The following MAP3K4 variants were observed in gnomAD, a reference collection of about 807,000 sequenced individuals.
MAP3K4 encodes the protein MAP three kinase 1.
MAP3K4 carries 67 observed loss-of-function variants against 185.6 expected under a neutral mutation model. The observed-to-expected ratio is 0.36, with a 90% CI of 0.30 to 0.44. MAP3K4 has a LOEUF of 0.44. Among genes scored for constraint, MAP3K4 ranks in the 20% least tolerant of loss-of-function variants. The pLI is 1.00. For missense variants in MAP3K4, 1,551 were observed against 1,995.1 expected (o/e 0.78, Z 4.24); for synonymous variants, 702 against 710.4 (o/e 0.99, Z 0.19).
chr6:161,066,437 A>C (rs544589752), intron 3 of MAP3K4, among the ~76,000 whole-genome samples: 152 of 151,734 alleles, frequency 1.0e-3, no homozygotes, highest in African/African-American at 3.5e-3. Context: ...GAGTTATAGT[A>C]ATAATTTCTG....
chr6:161,105,840 T>G lies in MAP3K4; in HGVS notation c.3857-674T>G, dbSNP rs1329187870. Among the ~76,000 whole-genome samples, 72 of 5,824 alleles carry G rather than the reference T, an allele frequency of 0.012. No individual in the cohort carries two copies. In the East Asian group the frequency reaches 0.47, roughly 38 times the overall value. The allele number at this position is 5,824 out of a possible 152,430, so 3.8% of individuals were successfully genotyped here. On this transcript the variant is annotated intron_variant, in intron 19 of 26. Coordinates refer to ENST00000392142, the MANE Select transcript of MAP3K4 (RefSeq NM_005922.4). ...TGAACTAAGTTTTTTGGTTTTTTGT[T>G]TTTTTTTTTTTTTGAGACCTGGTCT...
At position 161,053,920 on chromosome 6, in the gene MAP3K4, TATCTG is replaced by T. The variant is rs1181977531; in HGVS notation, c.1707+3943_1707+3947del. Reference sequence around the variant, plus strand: ...GTGTTTTTGTTCTTAATTGTTAAAATATCTGAACTGACAAGGTACCACAGATTGTA... The same window carrying T: ...GTGTTTTTGTTCTTAATTGTTAAAATAACTGACAAGGTACCACAGATTGTA... On this transcript the variant is annotated intron_variant, in intron 3 of 26. Coordinates refer to ENST00000392142, the MANE Select transcript of MAP3K4 (RefSeq NM_005922.4). The surrounding 1 kb of genome is among the most constrained non-coding windows in gnomAD (Gnocchi z 4.2). Among the ~76,000 whole-genome samples the T allele has an allele frequency of 1.3e-5, 2 of 152,068 alleles. No individual in the cohort carries two copies. Among genetic ancestry groups the T allele is most frequent in the African/African-American group, 4.8e-5 (2 of 41,416 alleles).
chr6:161,084,581 C>T lies in MAP3K4; in HGVS notation c.2336C>T (p.Thr779Ile). 6.2e-7 allele frequency: 1 copy of T among 1,612,190 alleles called. No individual in the cohort carries two copies. Among genetic ancestry groups the T allele is most frequent in the East Asian group, 2.2e-5 (1 of 44,866 alleles). Residue 779 changes from threonine to isoleucine, a missense_variant, in exon 7 of 27, where the codon ACT becomes ATT. By Grantham distance (89) the Thr-to-Ile change is moderately conservative. Around this residue, in one of 16 missense-constraint regions of MAP3K4, gnomAD observed 130 missense variants for 171.3 expected, o/e 0.76. Transcript: ENST00000392142. This position sits in a 1 kb window ranked among gnomAD's most constrained non-coding sequence, Gnocchi z 4.6. Reference sequence around the variant, plus strand: ...CAGGAGAGCTGTGCTGAATTTTGGACTAGTGCGGATGACAGCAGTGCTTCC... The same window carrying T: ...CAGGAGAGCTGTGCTGAATTTTGGATTAGTGCGGATGACAGCAGTGCTTCC... ...GLQESCAEFW[T>I]SADDSSASDE...
At position 161,075,672 on chromosome 6, in the gene MAP3K4, T is replaced by G. The variant is rs1785141174; in HGVS notation, c.2097+2060T>G. Among the ~76,000 whole-genome samples the G allele has an allele frequency of 6.6e-6, 1 of 152,218 alleles. No individual in the cohort carries two copies. Among genetic ancestry groups the G allele is most frequent in the Non-Finnish European group, 1.5e-5 (1 of 68,044 alleles). Reference sequence around the variant, plus strand: ...ATCAGGCATGTGAACCACGCCTTCCTGGTCAGCCAGTTTCTGTGCCATTGG... The same window carrying G: ...ATCAGGCATGTGAACCACGCCTTCCGGGTCAGCCAGTTTCTGTGCCATTGG... On this transcript the variant is annotated intron_variant, in intron 5 of 26. Transcript: ENST00000392142. The surrounding 1 kb of genome is among the most constrained non-coding windows in gnomAD (Gnocchi z 4.3).
In MAP3K4 at chr6:161,049,744, C is replaced by A; in HGVS notation, c.1472C>A (p.Ser491Tyr). The A allele has an allele frequency of 2.5e-6, 4 of 1,614,068 alleles. No individual in the cohort carries two copies. The highest frequency in any genetic ancestry group is 3.4e-6 in the Non-Finnish European group (4 of 1,180,004). ...GACATCCAGTCGCGGGACTGCATAT[C>A]CAAGAAGCTTGAGAGGCTCGAATCT... ...SFDIQSRDCI[S>Y]KKLERLESED... The change falls in exon 3 of 27, where the codon TCC becomes TAC. Residue 491 changes from serine (S) to tyrosine (Y), a missense_variant. Physicochemically the swap from Ser to Tyr is moderately radical, Grantham distance 144. Transcript: ENST00000392142. This position sits in a 1 kb window ranked among gnomAD's most constrained non-coding sequence, Gnocchi z 8.4.
intron 1 of MAP3K4, among the ~76,000 whole-genome samples, chr6:161,013,570 GGT>G (rs145110927): frequency 0.021 from 3,252 of 152,202 alleles, 125 homozygotes; most frequent in African/African-American, 0.075. Flanking sequence ...CCAAAAGTGA[GGT>G]TTAGCCCATG....
Position 161,048,282 on chromosome 6 carries a change from T to C in MAP3K4, c.344-334T>C. On this transcript the variant is annotated intron_variant, in intron 2 of 26. Transcript: ENST00000392142. The surrounding 1 kb of genome is among the most constrained non-coding windows in gnomAD (Gnocchi z 4.7). ...ATCTCCCATGCTGTTTCTTCCTCCT[T>C]AAATTGAAGGTGATTACTTACGGAA... 1.8e-6 allele frequency: 1 copy of C among 554,678 alleles called. No homozygotes were observed. Among genetic ancestry groups the C allele is most frequent in the Admixed American group, 1.9e-5 (1 of 52,064 alleles). 34.4% of individuals were successfully genotyped at this position (554,678 alleles called of 1,614,324 possible). A position where few individuals can be genotyped will look rare whatever the true frequency, so the allele number is the denominator to read the frequency against.
At position 161,107,782 on chromosome 6, in the gene MAP3K4, A is replaced by T. The variant is rs1264020674; in HGVS notation, c.4049-117A>T. 2 of 712,990 alleles carry T rather than the reference A, an allele frequency of 2.8e-6. No individual in the cohort carries two copies. The highest frequency in any genetic ancestry group is 4.6e-6 in the Non-Finnish European group (2 of 435,170). 44.2% of individuals were successfully genotyped at this position (712,990 alleles called of 1,614,324 possible). ...TGCAATAGTAAACTGCAGTAAACATAATTATAGATATATAAATATACGTCC... is the reference window on the plus strand; with the variant it reads ...TGCAATAGTAAACTGCAGTAAACATTATTATAGATATATAAATATACGTCC... On this transcript the variant is annotated intron_variant, in intron 20 of 26. Coordinates refer to ENST00000392142, the MANE Select transcript of MAP3K4 (RefSeq NM_005922.4). The surrounding 1 kb of genome is among the most constrained non-coding windows in gnomAD (Gnocchi z 6.2).
At chr6:160,997,172 G>A (rs1415327402) in intron 1 of MAP3K4, among the ~76,000 whole-genome samples, 3 of 151,936 alleles carry the variant, frequency 2.0e-5, no homozygotes, top group Admixed American at 1.3e-4. Flanking sequence ...TCAGTGGTAC[G>A]GTACATTTTT....
intron 2 of MAP3K4, among the ~76,000 whole-genome samples, chr6:161,038,230 A>G (rs1455071701): frequency 6.6e-6 from 1 of 152,202 alleles, no homozygotes; most frequent in Non-Finnish European, 1.5e-5. Flanking sequence ...ACAAATGACC[A>G]ACAGTACAGG....
At chr6:161,055,300 G>A (rs1784181109) in intron 3 of MAP3K4, among the ~76,000 whole-genome samples, 1 of 152,166 alleles carries the variant, frequency 6.6e-6, no homozygotes, top group African/African-American at 2.4e-5. Flanking sequence ...ACTATTTACA[G>A]TTCAATTTAG....
At chr6:161,062,993 G>A (rs760879340) in intron 3 of MAP3K4, among the ~76,000 whole-genome samples, 1 of 151,812 alleles carries the variant, frequency 6.6e-6, no homozygotes, top group Non-Finnish European at 1.5e-5. Context: ...GATCTACTTT[G>A]CCTGTCTTCT....
At chr6:161,009,417 C>T (rs540436413) in intron 1 of MAP3K4, among the ~76,000 whole-genome samples, 3 of 152,318 alleles carry the variant, frequency 2.0e-5, no homozygotes, top group African/African-American at 7.2e-5. Context: ...AACTCCCCAT[C>T]TACCCCGGTA....
rs975294289 is a variant in MAP3K4, at chr6:161,056,252, A to G, written c.1707+6273A>G. Among the ~76,000 whole-genome samples the G allele has an allele frequency of 6.6e-6, 1 of 152,116 alleles. No homozygotes were observed. Among genetic ancestry groups the G allele is most frequent in the African/African-American group, 2.4e-5 (1 of 41,410 alleles). ...CTTGTATTTTCCCTCGTTCTGTCCTAGGATCAGCCATTTCTCCAAGGAGCT... is the reference window on the plus strand; with the variant it reads ...CTTGTATTTTCCCTCGTTCTGTCCTGGGATCAGCCATTTCTCCAAGGAGCT... On this transcript the variant is annotated intron_variant, in intron 3 of 26. Transcript: ENST00000392142. The surrounding 1 kb of genome is among the most constrained non-coding windows in gnomAD (Gnocchi z 5.4).
chr6:161,006,909 G>GA (rs1457227922), intron 1 of MAP3K4, among the ~76,000 whole-genome samples: 2 of 151,754 alleles, frequency 1.3e-5, no homozygotes. Flanking sequence ...TAGACAAATA[G>GA]AAAAAAATAA....
At position 161,098,484 on chromosome 6, in the gene MAP3K4, A is replaced by G; in HGVS notation, c.3674+57A>G. On this transcript the variant is annotated intron_variant, in intron 17 of 26. Coordinates refer to ENST00000392142, the MANE Select transcript of MAP3K4 (RefSeq NM_005922.4). This position sits in a 1 kb window ranked among gnomAD's most constrained non-coding sequence, Gnocchi z 4.4. ...CACCACCCCTTACATGCGCTTACAC[A>G]GCAACCATAGTGTTAGGGTGTGTGC... The G allele has an allele frequency of 1.3e-6, 2 of 1,559,040 alleles. No individual in the cohort carries two copies. The highest frequency in any genetic ancestry group is 1.7e-4 in the Middle Eastern group (1 of 5,818).
chr6:160,994,779 C>G (rs774962410), intron 1 of MAP3K4, among the ~76,000 whole-genome samples: 2 of 152,184 alleles, frequency 1.3e-5, no homozygotes, highest in Non-Finnish European at 2.9e-5. Flanking sequence ...CAGCTCGCTG[C>G]AACCTCTGCC....
At chr6:161,015,694 G>A (rs1170145736) in intron 1 of MAP3K4, among the ~76,000 whole-genome samples, 3 of 152,078 alleles carry the variant, frequency 2.0e-5, no homozygotes, top group African/African-American at 4.8e-5. Context: ...GAGGTGGTGC[G>A]GGGCGGGGGG....
chr6:161,003,868 G>A (rs1213587766), intron 1 of MAP3K4, among the ~76,000 whole-genome samples: 1 of 151,518 alleles, frequency 6.6e-6, no homozygotes, highest in African/African-American at 2.4e-5. Context: ...ATAAACATAA[G>A]GATTCTATTT....
Sources: gnomAD v4.1 joint callset for allele counts (sites outside exome capture counted in the v4.1 genomes callset) on GRCh38, gnomAD v4.1.1 for gene constraint, gnomAD v4.1.1 regional missense constraint, Gnocchi (gnomAD v3.1) non-coding constraint, MANE v1.5 for transcripts, NCBI Gene and HGNC (gene_info 2026-07-23, HGNC 2026-07-21) for gene names.